Variants in TAS2R1 observed in about 807,000 individuals in gnomAD.
TAS2R1 encodes taste 2 receptor member 1.
For missense variants in TAS2R1, 370 were observed against 353.4 expected (o/e 1.05, Z -0.38); for synonymous variants, 141 against 134.2 (o/e 1.05, Z -0.35).
chr5:9,833,773 G>A, the TAS2R1 span, among the ~76,000 whole-genome samples: 4 of 152,128 alleles, frequency 2.6e-5, no homozygotes, highest in Admixed American at 1.3e-4. Flanking sequence ...TGTTTTGGTA[G>A]GTCAAGAATA....
chr5:9,647,409 AG>A (rs34540573), intron 2 of TAS2R1, among the ~76,000 whole-genome samples: 20 of 152,178 alleles, frequency 1.3e-4, no homozygotes, highest in African/African-American at 4.8e-4. Context: ...TATCACCCCA[AG>A]GCAAGGCTAG....
At chr5:9,881,528 GA>G in the TAS2R1 span, among the ~76,000 whole-genome samples, 1 of 152,158 alleles carries the variant, frequency 6.6e-6, no homozygotes, top group African/African-American at 2.4e-5. Flanking sequence ...AATAAGGAAT[GA>G]AAAAAGGCCC....
intron 1 of TAS2R1, among the ~76,000 whole-genome samples, chr5:9,709,968 T>G (rs2126532175): frequency 6.6e-6 from 1 of 152,378 alleles, no homozygotes; most frequent in African/African-American, 2.4e-5. Flanking sequence ...TCTCTACCAC[T>G]TACAGCAGAG....
At chr5:9,888,449 G>A in the TAS2R1 span, among the ~76,000 whole-genome samples, 1 of 152,288 alleles carries the variant, frequency 6.6e-6, no homozygotes, top group East Asian at 1.9e-4. Context: ...ACGAAATAAG[G>A]AAAGGCTTCT....
chr5:9,721,224 G>C, the TAS2R1 span, among the ~76,000 whole-genome samples: 12 of 152,214 alleles, frequency 7.9e-5, no homozygotes, highest in African/African-American at 2.9e-4. Flanking sequence ...TGGCATGAAG[G>C]CTGCTTACAT....
chr5:9,632,995 T>C (rs1739896277), upstream of TAS2R1, among the ~76,000 whole-genome samples: 4 of 152,042 alleles, frequency 2.6e-5, no homozygotes, highest in South Asian at 8.3e-4. Flanking sequence ...GAGAAATCAC[T>C]GTCTATGGCA....
At chr5:9,661,846 T>C (rs1270914531) in intron 1 of TAS2R1, among the ~76,000 whole-genome samples, 2 of 152,216 alleles carry the variant, frequency 1.3e-5, no homozygotes, top group East Asian at 1.9e-4. Context: ...AGCTAGTTTA[T>C]GCTGCATCAT....
At chr5:9,893,560 T>C in the TAS2R1 span, among the ~76,000 whole-genome samples, 1 of 152,172 alleles carries the variant, frequency 6.6e-6, no homozygotes, top group Admixed American at 6.5e-5. Context: ...TTTTTTAAGT[T>C]AGTAAATGCC....
the TAS2R1 span, among the ~76,000 whole-genome samples, chr5:9,835,527 T>G: frequency 6.6e-6 from 1 of 152,220 alleles, no homozygotes; most frequent in African/African-American, 2.4e-5. Context: ...CAGCCTCTAA[T>G]AGAGCCAATT....
At chr5:9,759,623 C>T in the TAS2R1 span, among the ~76,000 whole-genome samples, 1 of 152,138 alleles carries the variant, frequency 6.6e-6, no homozygotes, top group Non-Finnish European at 1.5e-5. Context: ...AAATAGTTAT[C>T]GAGTTTTTCT....
At chr5:9,872,841 G>C in the TAS2R1 span, among the ~76,000 whole-genome samples, 1 of 152,330 alleles carries the variant, frequency 6.6e-6, no homozygotes, top group East Asian at 1.9e-4. Context: ...TTGACTTGAA[G>C]AAACAGTGCA....
the TAS2R1 span, among the ~76,000 whole-genome samples, chr5:9,877,415 T>C: frequency 2.0e-5 from 3 of 152,244 alleles, no homozygotes; most frequent in African/African-American, 7.2e-5. Context: ...AATTTTAATA[T>C]TGCCCCTGTG....
intron 2 of TAS2R1, chr5:9,658,398 AT>A (rs1419356587): frequency 6.6e-6 from 1 of 152,212 alleles, no homozygotes; most frequent in Non-Finnish European, 1.5e-5. Context: ...TGTTGTAACC[AT>A]GATTCTTATA....
chr5:9,773,385 CTGTT>C, the TAS2R1 span, among the ~76,000 whole-genome samples: 47 of 152,048 alleles, frequency 3.1e-4, no homozygotes, highest in African/African-American at 9.2e-4. Context: ...TTCTTGAAAA[CTGTT>C]TGTAGCAATT....
At chr5:9,829,262 C>T in the TAS2R1 span, among the ~76,000 whole-genome samples, 5 of 152,152 alleles carry the variant, frequency 3.3e-5, no homozygotes, top group African/African-American at 7.2e-5. Context: ...AAATTTAAAC[C>T]TCACTAGCAC....
the TAS2R1 span, among the ~76,000 whole-genome samples, chr5:9,884,539 T>C: frequency 1.3e-5 from 2 of 150,046 alleles, no homozygotes; most frequent in Non-Finnish European, 1.5e-5. Context: ...AATTTCAACA[T>C]GAGTTTTGGA....
chr5:9,863,666 A>G, the TAS2R1 span, among the ~76,000 whole-genome samples: 2 of 152,192 alleles, frequency 1.3e-5, no homozygotes, highest in Non-Finnish European at 2.9e-5. Flanking sequence ...TTGCTCTCTC[A>G]GTGCTCAGGG....
the TAS2R1 span, among the ~76,000 whole-genome samples, chr5:9,831,238 C>T: frequency 3.4e-3 from 514 of 150,028 alleles, no homozygotes; most frequent in Non-Finnish European, 6.1e-3. Flanking sequence ...ACAGCAAATA[C>T]GTTTATTTCC....
chr5:9,689,464 G>C (rs573618600), intron 1 of TAS2R1, among the ~76,000 whole-genome samples: 2 of 152,092 alleles, frequency 1.3e-5, no homozygotes, highest in Non-Finnish European at 2.9e-5. Context: ...ATTCGTGCTC[G>C]GGATTCAGAG....
Sources: gnomAD v4.1 joint callset for allele counts (sites outside exome capture counted in the v4.1 genomes callset) on GRCh38, gnomAD v4.1.1 for gene constraint, MANE v1.5 for transcripts, NCBI Gene and HGNC (gene_info 2026-07-23, HGNC 2026-07-21) for gene names.